Variants in CUX1 observed in about 807,000 individuals in gnomAD.
CUX1 encodes the protein cut like homeobox 1.
In CUX1, 31 loss-of-function variants were observed where a neutral mutation model predicts 158.8. The ratio of observed to expected loss-of-function variants is 0.20; its 90% CI spans 0.15 to 0.26. CUX1 has a LOEUF of 0.26. Among genes scored for constraint, CUX1 ranks in the 10% least tolerant of loss-of-function variants. The pLI is 1.00. For synonymous variants in CUX1, 879 were observed against 862.1 expected (o/e 1.02, Z -0.34); for missense variants, 1,589 against 2,014.6 (o/e 0.79, Z 4.04).
chr7:102,190,800 C>T (rs1000761702), intron 12 of CUX1, among the ~76,000 whole-genome samples: 2 of 152,094 alleles, frequency 1.3e-5, no homozygotes, highest in African/African-American at 4.8e-5. Flanking sequence ...GACAGACTCC[C>T]GCCTCTGGTC....
intron 2 of CUX1, among the ~76,000 whole-genome samples, chr7:101,990,708 A>C (rs547758692): frequency 1.3e-5 from 2 of 152,296 alleles, no homozygotes; most frequent in African/African-American, 4.8e-5. Context: ...AAAAAAGTAC[A>C]TGGGATAAAT....
intron 4 of CUX1, among the ~76,000 whole-genome samples, chr7:102,083,883 C>G (rs1182543254): frequency 6.8e-6 from 1 of 146,590 alleles, no homozygotes; most frequent in African/African-American, 2.4e-5. Context: ...AAAAAATCTA[C>G]AATGTTTATT....
chr7:102,117,147 C>T (rs1452258578), intron 8 of CUX1, among the ~76,000 whole-genome samples: 1 of 152,086 alleles, frequency 6.6e-6, no homozygotes, highest in Non-Finnish European at 1.5e-5. Context: ...CCTGTAATCC[C>T]AGCACTTTGG....
At chr7:101,816,822 C>A, upstream of CUX1, 2 of 645,792 alleles carry the variant, frequency 3.1e-6, no homozygotes, top group Non-Finnish European at 3.8e-6. Flanking sequence ...CAGGCGCCCG[C>A]GCTCGCTACC....
At chr7:102,161,984 G>A (rs1790475087) in intron 9 of CUX1, among the ~76,000 whole-genome samples, 1 of 152,120 alleles carries the variant, frequency 6.6e-6, no homozygotes, top group Admixed American at 6.5e-5. Context: ...TGACTCCATG[G>A]CCAGGACAGG....
chr7:102,072,203 CCG>C (rs1826206569), intron 4 of CUX1, among the ~76,000 whole-genome samples: 1 of 152,202 alleles, frequency 6.6e-6, no homozygotes, highest in Admixed American at 6.5e-5. Flanking sequence ...GGCTGAGCAG[CCG>C]CTCAAGGGCC....
At position 102,283,133 on chromosome 7, in the gene CUX1, C is replaced by A. The variant is rs560043263; in HGVS notation, c.*43C>A. 2.1e-5 allele frequency: 31 copies of A among 1,493,034 alleles called. No homozygotes were observed. The South Asian group carries it at 3.2e-4, about 15-fold the overall frequency. 92.5% of individuals were successfully genotyped at this position (1,493,034 alleles called of 1,614,324 possible). On this transcript the variant is annotated 3_prime_UTR_variant, in exon 23 of 23. Coordinates refer to the CUX1 transcript ENST00000292538. ...CGTGACAGTGACGGCTGCGCCTCCA[C>A]CCCGACTGCTCAGTGCATCTAATCA...
intron 14 of CUX1, among the ~76,000 whole-genome samples, chr7:102,270,801 C>T (rs2960237): frequency 0.99 from 151,225 of 152,342 alleles, 75,060 homozygotes; most frequent in East Asian, 1. Context: ...AGCTGGGAAC[C>T]GGGGCAGCCT....
intron 3 of CUX1, among the ~76,000 whole-genome samples, chr7:102,050,796 G>A (rs183741206): frequency 9.8e-4 from 149 of 151,838 alleles, no homozygotes; most frequent in Admixed American, 2.2e-3. Context: ...TCAAATTCCC[G>A]GGCTCAAGTG....
intron 2 of CUX1, among the ~76,000 whole-genome samples, chr7:102,007,108 C>T (rs533653178): frequency 6.6e-6 from 1 of 152,132 alleles, no homozygotes; most frequent in Admixed American, 6.6e-5. Context: ...TCACTGATGG[C>T]CCTCTGAATT....
chr7:101,858,204 T>C (rs1797089932), intron 1 of CUX1, among the ~76,000 whole-genome samples: 1 of 152,200 alleles, frequency 6.6e-6, no homozygotes, highest in African/African-American at 2.4e-5. Context: ...TTTAAAAAAA[T>C]GCAGTATGTA....
intron 2 of CUX1, among the ~76,000 whole-genome samples, chr7:101,972,312 G>T (rs1812056341): frequency 6.6e-6 from 1 of 152,330 alleles, no homozygotes; most frequent in South Asian, 2.1e-4. Flanking sequence ...AATGTAGCTT[G>T]TAAAGTACTG....
chr7:101,914,231 G>T (rs1430847568), intron 1 of CUX1, among the ~76,000 whole-genome samples: 1 of 152,170 alleles, frequency 6.6e-6, no homozygotes, highest in Non-Finnish European at 1.5e-5. Context: ...GAAATACTAA[G>T]GGGAGAAGAG....
intron 1 of CUX1, among the ~76,000 whole-genome samples, chr7:101,844,270 A>G (rs550019236): frequency 6.6e-6 from 1 of 151,618 alleles, no homozygotes; most frequent in East Asian, 1.9e-4. Context: ...ACGGGAATAA[A>G]GTCTCTTTCC....
Position 102,205,116 on chromosome 7 carries a change from C to T in CUX1, c.3076C>T (p.Leu1026Phe). ...PVQGQQQGPVLHSVTSLQDPL... is the reference protein window; with the variant it reads ...PVQGQQQGPVFHSVTSLQDPL... ...ATTATAACCTTTTTCTACTTTAGTC[C>T]TCCACTCCGTGACATCGCTCCAGGA... Residue 1026 changes from leucine to phenylalanine, a missense_variant and splice_region_variant, in exon 20 of 24, where the codon CTC becomes TTC. By Grantham distance (22) the Leu-to-Phe change is conservative. Around this residue, in one of 8 missense-constraint regions of CUX1, gnomAD observed 259 missense variants for 373.8 expected, o/e 0.69. Coordinates refer to ENST00000292535, the MANE Select transcript of CUX1 (RefSeq NM_181552.4). 2 of 1,607,028 alleles carry T rather than the reference C, an allele frequency of 1.2e-6. No individual in the cohort carries two copies. Among genetic ancestry groups the T allele is most frequent in the Non-Finnish European group, 1.7e-6 (2 of 1,174,230 alleles).
intron 12 of CUX1, among the ~76,000 whole-genome samples, chr7:102,191,833 A>T (rs1431626578): frequency 4.2e-5 from 6 of 143,372 alleles, no homozygotes; most frequent in Non-Finnish European, 9.1e-5. Flanking sequence ...CCCCACGTTC[A>T]CTTCATCCCC....
At chr7:101,902,806 T>C (rs1490381043) in intron 1 of CUX1, among the ~76,000 whole-genome samples, 1 of 152,148 alleles carries the variant, frequency 6.6e-6, no homozygotes, top group Non-Finnish European at 1.5e-5. Context: ...CTTTTAATTT[T>C]CTAAGAGATG....
intron 3 of CUX1, among the ~76,000 whole-genome samples, chr7:102,063,232 G>A (rs1825132358): frequency 6.6e-6 from 1 of 152,122 alleles, no homozygotes; most frequent in Admixed American, 6.6e-5. Context: ...GTCACTGCAG[G>A]AAGACAGCTG....
At chr7:101,858,881 G>T (rs771887396) in intron 1 of CUX1, among the ~76,000 whole-genome samples, 15 of 152,052 alleles carry the variant, frequency 9.9e-5, no homozygotes, top group Non-Finnish European at 1.6e-4. Context: ...GGCCAGGCTG[G>T]ACTCAAACTC....
Sources: gnomAD v4.1 joint callset for allele counts (sites outside exome capture counted in the v4.1 genomes callset) on GRCh38, gnomAD v4.1.1 for gene constraint, gnomAD v4.1.1 regional missense constraint, MANE v1.5 for transcripts, NCBI Gene and HGNC (gene_info 2026-07-23, HGNC 2026-07-21) for gene names.